SMCHD1: variants seen among roughly 807,000 people sequenced by gnomAD.
SMCHD1 encodes the protein structural maintenance of chromosomes flexible hinge domain containing 1.
SMCHD1 carries 78 observed loss-of-function variants against 254.7 expected under a neutral mutation model. The ratio of observed to expected loss-of-function variants is 0.31; its 90% CI spans 0.26 to 0.37. The LOEUF (loss-of-function observed/expected upper bound fraction) is 0.37, where lower values mean the gene tolerates loss of function less well. SMCHD1 is among the 10% of genes least tolerant of loss of function. The probability of loss-of-function intolerance (pLI) is 1.00; values close to 1 mark genes in which losing one functional copy is unlikely to be tolerated. For missense variants in SMCHD1, 1,840 were observed against 2,408.1 expected, an observed-to-expected ratio of 0.76 and a Z score of 4.94; for synonymous variants, 766 against 794.9, an observed-to-expected ratio of 0.96 and a Z score of 0.61.
At position 2,784,532 on chromosome 18, in the gene SMCHD1, A is replaced by T; in HGVS notation, c.5630A>T (p.Gln1877Leu). 1 of 1,612,968 alleles carries T rather than the reference A, an allele frequency of 6.2e-7. No homozygotes were observed. The highest frequency in any genetic ancestry group is 1.1e-5 in the South Asian group (1 of 90,756). The change falls in exon 45 of 48, where the codon CAG (glutamine) becomes CTG (leucine). Residue 1877 changes from glutamine (Q) to leucine (L), a missense_variant. Around this residue, in one of 9 missense-constraint regions of SMCHD1, gnomAD observed 114 missense variants for 217.6 expected, o/e 0.52. Coordinates refer to ENST00000320876, the MANE Select transcript of SMCHD1 (RefSeq NM_015295.3). The part of the protein sequence containing the change: ...IRSNGKFGGL[Q>L]NKAPPMDKLR... ...AGTAATGGAAAGTTTGGGGGCCTTC[A>T]GAATAAAGCTCCTCCAATGGATAAA...
Position 2,698,019 on chromosome 18 carries a change from T to G in SMCHD1, c.1320T>G (p.Pro440=). The change falls in exon 10 of 48, where the codon CCT becomes CCG. Residue 440 remains proline (P), a synonymous_variant. Transcript: ENST00000320876. ...TCTTATATGATAGAGAAACTTACCC[T>G]GATGATCCATGCTTTCCATCAAGTA... The part of the protein sequence containing the change: ...HPFLYDRETY[P]DDPCFPSKLK... 6.2e-7 allele frequency: 1 copy of G among 1,611,992 alleles called. No individual in the cohort carries two copies. The highest frequency in any genetic ancestry group is 8.5e-7 in the Non-Finnish European group (1 of 1,178,362).
At chr18:2,795,852 C>T in intron 45 of SMCHD1, 97 bp from the exon 46 acceptor site, 1 of 984,228 alleles carries the variant, frequency 1.0e-6, no homozygotes, top group East Asian at 2.9e-5. Context: ...CCCTATGTTA[C>T]CATAACACAA....
chr18:2,684,617 G>A (rs2073997901), intron 5 of SMCHD1, among the ~76,000 whole-genome samples: 1 of 150,754 alleles, frequency 6.6e-6, no homozygotes, highest in Non-Finnish European at 1.5e-5. Context: ...TTAGATTTAA[G>A]TTTACCATCT....
chr18:2,686,180 T>C (rs2074047991), intron 5 of SMCHD1, among the ~76,000 whole-genome samples: 1 of 152,210 alleles, frequency 6.6e-6, no homozygotes, highest in South Asian at 2.1e-4. Context: ...AGCTTGACTT[T>C]CAAAAAATTT....
intron 47 of SMCHD1, among the ~76,000 whole-genome samples, chr18:2,797,683 G>A (rs1386618320): frequency 6.6e-6 from 1 of 152,202 alleles, no homozygotes; most frequent in African/African-American, 2.4e-5. Flanking sequence ...CCAGCACTTT[G>A]GGAGGCCGAG....
intron 1 of SMCHD1, among the ~76,000 whole-genome samples, chr18:2,664,067 AAGAG>A (rs2073370450): frequency 6.6e-6 from 1 of 152,106 alleles, no homozygotes; most frequent in Non-Finnish European, 1.5e-5. Context: ...TTCAGACACA[AAGAG>A]AGAATCATGT....
intron 1 of SMCHD1, among the ~76,000 whole-genome samples, chr18:2,658,461 A>T (rs562674478): frequency 7.9e-5 from 12 of 152,182 alleles, no homozygotes; most frequent in African/African-American, 2.9e-4. Context: ...GAACAGATGT[A>T]TTTATTCCTT....
intron 21 of SMCHD1, 61 bp from the exon 22 acceptor site, chr18:2,726,391 G>A: frequency 1.2e-6 from 1 of 869,496 alleles, no homozygotes; most frequent in Non-Finnish European, 1.7e-6. Flanking sequence ...GAATTGATGT[G>A]ATAAACTACT....
chr18:2,792,186 G>A (rs1214179882), intron 45 of SMCHD1, among the ~76,000 whole-genome samples: 1 of 152,114 alleles, frequency 6.6e-6, no homozygotes, highest in Non-Finnish European at 1.5e-5. Flanking sequence ...GCCGCACAAG[G>A]CTGTCAAAAA....
intron 8 of SMCHD1, among the ~76,000 whole-genome samples, chr18:2,695,610 T>TA (rs1020978927): frequency 2.6e-5 from 4 of 152,156 alleles, no homozygotes; most frequent in African/African-American, 9.7e-5. Flanking sequence ...GCGCCCGGCC[T>TA]AAAATTTTTT....
At chr18:2,776,220 T>C (rs2076064078) in intron 42 of SMCHD1, among the ~76,000 whole-genome samples, 1 of 152,174 alleles carries the variant, frequency 6.6e-6, no homozygotes, top group African/African-American at 2.4e-5. Context: ...ATAATATTTT[T>C]TTTTAAATTT....
intron 45 of SMCHD1, among the ~76,000 whole-genome samples, chr18:2,786,720 G>A (rs1465914579): frequency 2.0e-5 from 3 of 152,084 alleles, no homozygotes; most frequent in Non-Finnish European, 4.4e-5. Context: ...CACCAGTACT[G>A]TAGAAGATTT....
chr18:2,720,115 C>A (rs1275846817), intron 19 of SMCHD1, among the ~76,000 whole-genome samples: 1 of 152,234 alleles, frequency 6.6e-6, no homozygotes, highest in Non-Finnish European at 1.5e-5. Flanking sequence ...GCTTGAGCCA[C>A]TGTGCCCAAC....
chr18:2,779,993 A>G (rs2076127553), intron 44 of SMCHD1, among the ~76,000 whole-genome samples: 1 of 152,140 alleles, frequency 6.6e-6, no homozygotes, highest in South Asian at 2.1e-4. Context: ...TAATCCCAGC[A>G]CTTTGCGAGG....
In SMCHD1 at chr18:2,771,397, A is replaced by T. The variant is rs2075981690; in HGVS notation, c.4967-136A>T. The T allele has an allele frequency of 8.1e-6, 5 of 618,288 alleles. No individual in the cohort carries two copies. In the East Asian group the frequency reaches 1.6e-4, roughly 20 times the overall value. 38.3% of individuals were successfully genotyped at this position (618,288 alleles called of 1,614,324 possible). ...TGTATAGTTTAATTTTGAATTTCTG[A>T]AATGGTCACCTATCAGTTTTCATTT... On this transcript the variant is annotated intron_variant, in intron 39 of 47. Transcript: ENST00000320876.
chr18:2,701,783 T>C (rs1049523915), intron 12 of SMCHD1, among the ~76,000 whole-genome samples: 2 of 152,186 alleles, frequency 1.3e-5, no homozygotes, highest in Admixed American at 1.3e-4. Flanking sequence ...CAGAGACTTT[T>C]GATACTACTC....
intron 36 of SMCHD1, among the ~76,000 whole-genome samples, chr18:2,762,824 T>C (rs1000283875): frequency 1.3e-5 from 2 of 152,202 alleles, no homozygotes; most frequent in African/African-American, 4.8e-5. Flanking sequence ...CTCACCTGTT[T>C]AGTGTATCTA....
chr18:2,705,810 A>G lies in SMCHD1; in HGVS notation c.1956+3A>G. The G allele has an allele frequency of 1.3e-6, 2 of 1,505,722 alleles. No individual in the cohort carries two copies. The highest frequency in any genetic ancestry group is 1.8e-6 in the Non-Finnish European group (2 of 1,087,234). 93.3% of individuals were successfully genotyped at this position (1,505,722 alleles called of 1,614,324 possible). The stretch of plus-strand genomic sequence containing the variant: ...GAGGAGAGGTTCAAATTGCAATGGT[A>G]AGACAGCAAGTGATAAAACATACTG... On this transcript the variant is annotated splice_donor_region_variant and intron_variant, in intron 14 of 47. Transcript: ENST00000320876.
At chr18:2,801,192 AAC>A (rs571425690) in intron 47 of SMCHD1, 5 of 152,332 alleles carry the variant, frequency 3.3e-5, no homozygotes, top group Admixed American at 3.3e-4. Flanking sequence ...AATGCCCAGC[AAC>A]AGTGACTGAC....
Sources: gnomAD v4.1 joint callset for allele counts (sites outside exome capture counted in the v4.1 genomes callset) on GRCh38, gnomAD v4.1.1 for gene constraint, gnomAD v4.1.1 regional missense constraint, MANE v1.5 for transcripts, NCBI Gene and HGNC (gene_info 2026-07-23, HGNC 2026-07-21) for gene names.